SNCAIP: variants seen among roughly 807,000 people sequenced by gnomAD.
SNCAIP encodes synuclein alpha interacting protein.
In SNCAIP, 43 loss-of-function variants were observed where a neutral mutation model predicts 86.7. The observed-to-expected ratio is 0.50, with a 90% CI of 0.39 to 0.64. SNCAIP has a LOEUF of 0.64. Ranked by LOEUF, SNCAIP falls within the 30% of genes least tolerant of loss-of-function variation. The pLI, the probability that SNCAIP is intolerant of heterozygous loss-of-function variation, is 0.00. For synonymous variants in SNCAIP, 417 were observed against 427.2 expected, an observed-to-expected ratio of 0.98 and a Z score of 0.29; for missense variants, 981 against 1,103.1, an observed-to-expected ratio of 0.89 and a Z score of 1.57.
At position 122,450,923 on chromosome 5, in the gene SNCAIP, A is replaced by G. The variant is rs2153000936; in HGVS notation, c.2076A>G (p.Pro692=). 1 of 1,614,092 alleles carries G rather than the reference A, an allele frequency of 6.2e-7. No homozygotes were observed. Among genetic ancestry groups the G allele is most frequent in the South Asian group, 1.1e-5 (1 of 91,082 alleles). ...ACTCTGAGGACCCCAAGACTACCCC[A>G]GTGAGGAAGGCTGACCGACCAAGGC... ...SNNSEDPKTT[P]VRKADRPRPQ... The change falls in exon 10 of 11, where the codon CCA becomes CCG. Residue 692 remains proline, a synonymous_variant. Coordinates refer to ENST00000261368, the MANE Select transcript of SNCAIP (RefSeq NM_005460.4).
intron 7 of SNCAIP, chr5:122,444,304 T>C (rs1027827436): frequency 1.8e-6 from 1 of 543,552 alleles, no homozygotes; most frequent in Non-Finnish European, 3.5e-6. Context: ...CTGCACTGCA[T>C]ATCTCATAAA....
chr5:122,369,300 G>A (rs1763811562), intron 1 of SNCAIP, among the ~76,000 whole-genome samples: 1 of 152,126 alleles, frequency 6.6e-6, no homozygotes, highest in South Asian at 2.1e-4. Context: ...CTCCTCCTCT[G>A]ACCCAATGTC....
Position 122,405,845 on chromosome 5 carries a change from G to A in SNCAIP, c.130+1980G>A, listed in dbSNP as rs181439074. 2.6e-3 allele frequency among the ~76,000 whole-genome samples: 390 copies of A among 152,196 alleles called. 3 individuals carry two copies. The highest frequency in any genetic ancestry group is 3.2e-3 in the Non-Finnish European group (215 of 68,024). On this transcript the variant is annotated intron_variant, in intron 3 of 10. Coordinates refer to ENST00000261368, the MANE Select transcript of SNCAIP (RefSeq NM_005460.4). ...TTCTCTCCAGGTCTTACAATTTCTAGTCATCTCCACAATAAATGATGGTAG... is the reference window on the plus strand; with the variant it reads ...TTCTCTCCAGGTCTTACAATTTCTAATCATCTCCACAATAAATGATGGTAG...
intron 1 of SNCAIP, chr5:122,371,604 T>C (rs193235735): frequency 9.2e-5 from 14 of 152,322 alleles, no homozygotes; most frequent in Non-Finnish European, 1.8e-4. Context: ...GTACCAATTA[T>C]AAATCATCAG....
intron 1 of SNCAIP, among the ~76,000 whole-genome samples, chr5:122,341,410 T>C (rs1302800783): frequency 6.6e-6 from 1 of 152,214 alleles, no homozygotes; most frequent in Non-Finnish European, 1.5e-5. Context: ...AAATCAACAT[T>C]ATTCATGTCA....
Position 122,425,511 on chromosome 5 carries a change from C to T in SNCAIP, c.1162C>T (p.Pro388Ser), listed in dbSNP as rs1777178126. The T allele has an allele frequency of 9.9e-6, 16 of 1,614,054 alleles. No individual in the cohort carries two copies. Among genetic ancestry groups the T allele is most frequent in the Non-Finnish European group, 1.4e-5 (16 of 1,179,970 alleles). ...LNERNTEKLT[P>S]AGLAIKNGQL... The stretch of plus-strand genomic sequence containing the variant: ...TGAGCGCAACACTGAGAAGTTGACT[C>T]CAGCAGGCCTGGCCATTAAGGTGAC... The change falls in exon 5 of 11, where the codon CCA becomes TCA. Residue 388 changes from proline (P) to serine (S), a missense_variant. Transcript: ENST00000261368.
chr5:122,382,122 T>C (rs528972661), intron 1 of SNCAIP, among the ~76,000 whole-genome samples: 20 of 152,350 alleles, frequency 1.3e-4, no homozygotes, highest in African/African-American at 4.3e-4. Context: ...TCCTGGATAA[T>C]ATCCTGAAGA....
chr5:122,375,115 C>T (rs1357078958), intron 1 of SNCAIP, among the ~76,000 whole-genome samples: 1 of 152,110 alleles, frequency 6.6e-6, no homozygotes, highest in African/African-American at 2.4e-5. Context: ...GTTGTTCAGA[C>T]ATTTAACTCA....
rs188129986 is a variant in SNCAIP at position 122,434,874 on chromosome 5, T to C, written c.1296+2792T>C. 1.5e-3 allele frequency among the ~76,000 whole-genome samples: 225 copies of C among 152,278 alleles called. No homozygotes were observed. In the Middle Eastern group the frequency reaches 0.017, roughly 12 times the overall value. On this transcript the variant is annotated intron_variant, in intron 6 of 10. Transcript: ENST00000261368. ...AAGTTTTTCTACATCCAGCAGGCAT[T>C]TGAGTGTGTCCTGGCTTTGTTTCTT...
intron 10 of SNCAIP, chr5:122,452,863 G>A (rs1783990612): frequency 9.9e-7 from 1 of 1,014,482 alleles, no homozygotes; most frequent in Non-Finnish European, 1.5e-6. Context: ...TGTTTACTGG[G>A]ACTTGTGCAT....
intron 1 of SNCAIP, among the ~76,000 whole-genome samples, chr5:122,351,604 T>TGTG (rs1253211831): frequency 6.6e-5 from 10 of 150,424 alleles, no homozygotes; most frequent in Non-Finnish European, 1.3e-4. Context: ...CTGTAGTGGT[T>TGTG]GTGTACATAG....
intron 6 of SNCAIP, among the ~76,000 whole-genome samples, chr5:122,435,891 T>C (rs1237942951): frequency 6.6e-6 from 1 of 152,116 alleles, no homozygotes; most frequent in Non-Finnish European, 1.5e-5. Flanking sequence ...GAAAGCAAAA[T>C]AGAAGAGTCT....
At chr5:122,364,098 G>A (rs1473424394) in intron 1 of SNCAIP, among the ~76,000 whole-genome samples, 3 of 152,154 alleles carry the variant, frequency 2.0e-5, no homozygotes, top group Non-Finnish European at 4.4e-5. Context: ...CAAAGTGCTA[G>A]GATTGTCAGA....
chr5:122,431,883 T>C lies in SNCAIP; in HGVS notation c.1183-86T>C, dbSNP rs1778477643. The C allele has an allele frequency of 4.0e-6, 3 of 741,576 alleles. No individual in the cohort carries two copies. The South Asian group carries it at 4.4e-5, about 11-fold the overall frequency. The allele number at this position is 741,576 out of a possible 1,614,324, so 45.9% of individuals were successfully genotyped here. Reference sequence around the variant, plus strand: ...AAATGCCAAAATTTATATGATTTCTTTCCTTGGTGAAATTACCATCTTTAA... The same window carrying C: ...AAATGCCAAAATTTATATGATTTCTCTCCTTGGTGAAATTACCATCTTTAA... On this transcript the variant is annotated intron_variant, in intron 5 of 10. Coordinates refer to ENST00000261368, the MANE Select transcript of SNCAIP (RefSeq NM_005460.4).
At chr5:122,448,721 T>C (rs1348854105) in intron 8 of SNCAIP, among the ~76,000 whole-genome samples, 2 of 140,498 alleles carry the variant, frequency 1.4e-5, no homozygotes, top group African/African-American at 5.3e-5. Context: ...ATATAATATA[T>C]ATGTTTTATA....
At chr5:122,408,823 C>T (rs147081946) in intron 3 of SNCAIP, among the ~76,000 whole-genome samples, 1 of 152,234 alleles carries the variant, frequency 6.6e-6, no homozygotes, top group African/African-American at 2.4e-5. Flanking sequence ...TTGTGCCAGG[C>T]CTCTGTAAGC....
intron 10 of SNCAIP, among the ~76,000 whole-genome samples, chr5:122,461,498 C>G (rs185535197): frequency 6.6e-6 from 1 of 152,092 alleles, no homozygotes; most frequent in Non-Finnish European, 1.5e-5. Context: ...CTCAGATTTT[C>G]TAATGATTCT....
At chr5:122,314,532 G>A (rs965066677) in intron 1 of SNCAIP, among the ~76,000 whole-genome samples, 1 of 152,142 alleles carries the variant, frequency 6.6e-6, no homozygotes, top group African/African-American at 2.4e-5. Context: ...TGATATCCTG[G>A]TGAAAATCAA....
chr5:122,315,718 G>T (rs1751566474), intron 1 of SNCAIP, among the ~76,000 whole-genome samples: 1 of 152,150 alleles, frequency 6.6e-6, no homozygotes, highest in African/African-American at 2.4e-5. Flanking sequence ...GGTAGAGGAA[G>T]TATGACACAA....
Sources: allele counts gnomAD v4.1 joint callset (sites outside exome capture counted in the v4.1 genomes callset), GRCh38; gene constraint gnomAD v4.1.1; transcripts MANE v1.5; gene names NCBI Gene and HGNC (gene_info 2026-07-23, HGNC 2026-07-21).